The following DPP4 variants were observed in gnomAD, a reference collection of about 807,000 sequenced individuals.
DPP4 encodes ADCP-2.
DPP4 carries 93 observed loss-of-function variants against 122.4 expected under a neutral mutation model. The ratio of observed to expected loss-of-function variants is 0.76; its 90% CI spans 0.64 to 0.90. The LOEUF (loss-of-function observed/expected upper bound fraction) is 0.90. Among genes scored for constraint, DPP4 ranks in the 40% least tolerant of loss-of-function variants. The pLI is 0.00. For missense variants in DPP4, 914 were observed against 907.3 expected (o/e 1.01, Z -0.09); for synonymous variants, 321 against 302.9 (o/e 1.06, Z -0.62).
Position 162,074,002 on chromosome 2 carries a change from T to C in DPP4, c.-21A>G. The C allele has an allele frequency of 1.9e-6, 3 of 1,610,530 alleles. No individual in the cohort carries two copies. The South Asian group carries it at 3.3e-5, about 18-fold the overall frequency. ...TTCATCGTCGGCGTCTCCTCGGAAG[T>C]GAGCGTTCAGAGAAGGAGCGCAGGC... On this transcript the variant is annotated 5_prime_UTR_variant, in exon 1 of 26. Transcript: ENST00000360534.
intron 5 of DPP4, 69 bp from the exon 6 acceptor site, chr2:162,039,253 C>T (rs1188045414): frequency 8.1e-7 from 1 of 1,240,262 alleles, no homozygotes; most frequent in Non-Finnish European, 1.2e-6. Flanking sequence ...TATAGGAGAC[C>T]AAGATGATAG....
chr2:162,022,667 T>C (rs973459482), intron 12 of DPP4, 88 bp downstream of exon 12: 4 of 1,240,164 alleles, frequency 3.2e-6, no homozygotes, highest in Admixed American at 1.7e-5. Context: ...TAATAACGTA[T>C]CACTTAGAGC....
At chr2:162,008,075 G>A (rs978718092) in intron 22 of DPP4, among the ~76,000 whole-genome samples, 1 of 151,890 alleles carries the variant, frequency 6.6e-6, no homozygotes, top group Non-Finnish European at 1.5e-5. Context: ...CTCTCTCGAT[G>A]ACAAAGAGCA....
chr2:161,999,936 T>G (rs1218744116), intron 23 of DPP4, among the ~76,000 whole-genome samples: 3 of 152,150 alleles, frequency 2.0e-5, no homozygotes, highest in Non-Finnish European at 4.4e-5. Context: ...ATGAGGAAAC[T>G]GAGATTCAGT....
chr2:162,058,567 C>T (rs926961924), intron 2 of DPP4, among the ~76,000 whole-genome samples: 2 of 152,178 alleles, frequency 1.3e-5, no homozygotes, highest in Non-Finnish European at 2.9e-5. Context: ...TATATTTAAT[C>T]GTTTTTCTGA....
At chr2:162,066,751 T>C (rs1359228246) in intron 2 of DPP4, among the ~76,000 whole-genome samples, 2 of 152,234 alleles carry the variant, frequency 1.3e-5, no homozygotes, top group East Asian at 3.8e-4. Flanking sequence ...GGTCTCAGGC[T>C]GCTTCTACTT....
At chr2:162,047,742 G>A (rs1456987760) in intron 2 of DPP4, among the ~76,000 whole-genome samples, 1 of 152,032 alleles carries the variant, frequency 6.6e-6, no homozygotes, top group Non-Finnish European at 1.5e-5. Flanking sequence ...ATATTAGTGG[G>A]CTTTACTTTG....
intron 10 of DPP4, among the ~76,000 whole-genome samples, chr2:162,027,093 G>A (rs1400569629): frequency 6.6e-6 from 1 of 151,912 alleles, no homozygotes; most frequent in Non-Finnish European, 1.5e-5. Context: ...TTTGATTTTT[G>A]TTCCCAACCA....
chr2:162,032,709 C>A (rs78047871), intron 10 of DPP4, among the ~76,000 whole-genome samples: 1,529 of 68,126 alleles, frequency 0.022, 21 homozygotes, highest in East Asian at 0.085. Context: ...ACAACAACAA[C>A]AAAAAAAAAA....
chr2:162,020,702 G>A lies in DPP4; in HGVS notation c.1069-14C>T. On this transcript the variant is annotated splice_polypyrimidine_tract_variant and intron_variant, in intron 12 of 25. Coordinates refer to ENST00000360534, the MANE Select transcript of DPP4 (RefSeq NM_001935.4). ...TGAAGGCCTAAACTAGAAAATAATA[G>A]AGAACAAAAGAACATTAAAGCACAG... 1 of 1,579,888 alleles carries A rather than the reference G, an allele frequency of 6.3e-7. No homozygotes were observed. Among genetic ancestry groups the A allele is most frequent in the Non-Finnish European group, 8.6e-7 (1 of 1,157,004 alleles).
chr2:161,993,617 G>C (rs914819150), intron 25 of DPP4, among the ~76,000 whole-genome samples: 3 of 152,160 alleles, frequency 2.0e-5, no homozygotes, highest in African/African-American at 7.2e-5. Flanking sequence ...CTCTTTTGCA[G>C]GTGCTGAGAG....
chr2:162,046,914 C>G lies in DPP4; in HGVS notation c.285+1G>C, dbSNP rs756084002. On this transcript the variant is annotated splice_donor_variant, in intron 4 of 25. Coordinates refer to ENST00000360534, the MANE Select transcript of DPP4 (RefSeq NM_001935.4). LOFTEE classifies it high-confidence loss of function. ...TGAATTAATTACGTGATTAAACATA[C>G]AAATGTACTGTTCTCCAAGAAAACT... 6.4e-7 allele frequency: 1 copy of G among 1,555,964 alleles called. No homozygotes were observed. The highest frequency in any genetic ancestry group is 1.7e-5 in the Admixed American group (1 of 59,842).
At chr2:162,022,699 A>G (rs1396053907) in intron 12 of DPP4, 56 bp downstream of exon 12, 1 of 1,555,070 alleles carries the variant, frequency 6.4e-7, no homozygotes, top group African/African-American at 1.4e-5. Flanking sequence ...ATAGCTGCAT[A>G]TCAAATAGCT....
intron 10 of DPP4, among the ~76,000 whole-genome samples, chr2:162,026,890 T>C (rs988757160): frequency 1.3e-5 from 2 of 152,144 alleles, no homozygotes; most frequent in African/African-American, 4.8e-5. Context: ...TGGAAAACTT[T>C]TTCAATTAAG....
chr2:162,053,434 A>G (rs192397333), intron 2 of DPP4, among the ~76,000 whole-genome samples: 3 of 152,366 alleles, frequency 2.0e-5, no homozygotes, highest in African/African-American at 7.2e-5. Flanking sequence ...CTTTAAAAAA[A>G]AAAAACAAAA....
intron 10 of DPP4, among the ~76,000 whole-genome samples, chr2:162,029,054 T>A (rs1683449142): frequency 6.6e-6 from 1 of 152,206 alleles, no homozygotes; most frequent in Admixed American, 6.5e-5. Flanking sequence ...CCTAGAGAGC[T>A]TGTGTGTAAA....
chr2:162,039,671 C>T (rs1336504601), intron 5 of DPP4, among the ~76,000 whole-genome samples: 1 of 151,992 alleles, frequency 6.6e-6, no homozygotes, highest in African/African-American at 2.4e-5. Flanking sequence ...AATTAAAATA[C>T]ATATATCATC....
At chr2:162,004,585 G>GCA (rs10647762) in intron 23 of DPP4, among the ~76,000 whole-genome samples, 77,768 of 150,616 alleles carry the variant, frequency 0.52, 20,142 homozygotes, top group East Asian at 0.68. Flanking sequence ...ACAGCTCCCT[G>GCA]CACACACACA....
intron 2 of DPP4, among the ~76,000 whole-genome samples, chr2:162,049,406 TTA>T (rs1187460619): frequency 2.0e-5 from 3 of 151,916 alleles, no homozygotes; most frequent in Non-Finnish European, 4.4e-5. Context: ...ATATTCTCAC[TTA>T]TAAGTAGGAG....
Sources: gnomAD v4.1 joint callset for allele counts (sites outside exome capture counted in the v4.1 genomes callset) on GRCh38, gnomAD v4.1.1 for gene constraint, MANE v1.5 for transcripts, NCBI Gene and HGNC (gene_info 2026-07-23, HGNC 2026-07-21) for gene names.